Variants in PI4KA observed in about 807,000 individuals in gnomAD.
PI4KA encodes PI4-kinase alpha.
A neutral mutation model predicts 271.4 loss-of-function variants in PI4KA; 122 were observed. The ratio of observed to expected loss-of-function variants is 0.45; its 90% CI spans 0.39 to 0.52. The LOEUF (loss-of-function observed/expected upper bound fraction) is 0.52, where lower values mean the gene tolerates loss of function less well. Among genes scored for constraint, PI4KA ranks in the 20% least tolerant of loss-of-function variants. The pLI, the probability that PI4KA is intolerant of heterozygous loss-of-function variation, is 0.00. For synonymous variants in PI4KA, 1,041 were observed against 1,078.8 expected, an observed-to-expected ratio of 0.96 and a Z score of 0.69; for missense variants, 1,969 against 2,769.1, an observed-to-expected ratio of 0.71 and a Z score of 6.48.
intron 22 of PI4KA, among the ~76,000 whole-genome samples, chr22:20,762,024 C>T (rs568380810): frequency 6.6e-6 from 1 of 152,292 alleles, no homozygotes; most frequent in South Asian, 2.1e-4. Context: ...ATCTTCTGTA[C>T]TATTCCAGTG....
intron 32 of PI4KA, among the ~76,000 whole-genome samples, chr22:20,734,922 A>C (rs365460): frequency 1.4e-4 from 22 of 152,316 alleles, no homozygotes; most frequent in Admixed American, 3.9e-4. Flanking sequence ...CCTCTGTGGG[A>C]TGCTGAGCTG....
At chr22:20,802,824 T>G (rs764098986) in intron 13 of PI4KA, among the ~76,000 whole-genome samples, 1 of 152,234 alleles carries the variant, frequency 6.6e-6, no homozygotes, top group Non-Finnish European at 1.5e-5. Context: ...AGCAGGTGTT[T>G]AATTAATTAA....
chr22:20,824,405 G>A lies in PI4KA; in HGVS notation c.377C>T (p.Pro126Leu), dbSNP rs761639270. 4.8e-5 allele frequency: 78 copies of A among 1,611,740 alleles called. No individual in the cohort carries two copies. Among genetic ancestry groups the A allele is most frequent in the South Asian group, 9.9e-5 (9 of 90,808 alleles). Residue 126 changes from proline to leucine, a missense_variant, in exon 4 of 55, where the codon CCG (proline) becomes CTG (leucine). Transcript: ENST00000255882. ...GCAGAAGCTGAAGCTCTCTGCAACC[G>A]GGAGGGCACCTGGAAGATGTAAAAA... ...STARKGRGAL[P>L]VAESFSFCLV...
intron 19 of PI4KA, among the ~76,000 whole-genome samples, chr22:20,770,631 C>CAA (rs1932834400): frequency 8.6e-6 from 1 of 115,932 alleles, no homozygotes; most frequent in Non-Finnish European, 1.8e-5. Context: ...CACACACACA[C>CAA]AAGCTGGACA....
At chr22:20,800,764 C>T (rs901384377) in intron 14 of PI4KA, among the ~76,000 whole-genome samples, 1 of 150,062 alleles carries the variant, frequency 6.7e-6, no homozygotes, top group Non-Finnish European at 1.5e-5. Context: ...GTCCCAGCTA[C>T]TCCAGAGGCT....
At chr22:20,805,789 G>T (rs1569055165) in intron 10 of PI4KA, among the ~76,000 whole-genome samples, 1 of 148,174 alleles carries the variant, frequency 6.7e-6, no homozygotes, top group South Asian at 2.1e-4. Flanking sequence ...CCAAGATCGT[G>T]CCACTGCATT....
At chr22:20,738,929 G>A (rs1029198582) in intron 32 of PI4KA, among the ~76,000 whole-genome samples, 3 of 151,846 alleles carry the variant, frequency 2.0e-5, no homozygotes, top group African/African-American at 7.3e-5. Context: ...TCGGACAGGC[G>A]CGGTGGCTCA....
At chr22:20,797,139 C>T (rs967332692) in intron 17 of PI4KA, among the ~76,000 whole-genome samples, 35 of 152,142 alleles carry the variant, frequency 2.3e-4, no homozygotes, top group African/African-American at 8.0e-4. Flanking sequence ...ACGGCAGCCA[C>T]GGCAAAAGGC....
intron 32 of PI4KA, among the ~76,000 whole-genome samples, chr22:20,738,751 A>G (rs980027157): frequency 6.6e-6 from 1 of 152,166 alleles, no homozygotes. Flanking sequence ...AAAGACCCCA[A>G]ATGAAACAGT....
chr22:20,777,249 T>C (rs1933371786), intron 19 of PI4KA, among the ~76,000 whole-genome samples: 1 of 150,952 alleles, frequency 6.6e-6, no homozygotes, highest in Admixed American at 6.6e-5. Context: ...GGAGTTTCGC[T>C]CTTTTTGCCC....
intron 45 of PI4KA, among the ~76,000 whole-genome samples, chr22:20,716,701 C>T (rs1453774653): frequency 6.6e-6 from 1 of 152,132 alleles, no homozygotes; most frequent in Non-Finnish European, 1.5e-5. Flanking sequence ...TGTGCATGCC[C>T]CCTGCAGTAC....
intron 42 of PI4KA, 99 bp downstream of exon 42, chr22:20,726,389 G>T (rs1927350086): frequency 1.9e-6 from 2 of 1,061,822 alleles, no homozygotes; most frequent in African/African-American, 1.7e-5. Flanking sequence ...CCCTGAGGAG[G>T]CTCTGAGGAG....
chr22:20,740,396 AAGAG>A (rs1000665948), intron 32 of PI4KA, among the ~76,000 whole-genome samples: 1 of 151,610 alleles, frequency 6.6e-6, no homozygotes, highest in South Asian at 2.1e-4. Context: ...CAAAAAGGAG[AAGAG>A]AGAGAGAATG....
At chr22:20,850,376 T>C (rs920340551) in intron 1 of PI4KA, among the ~76,000 whole-genome samples, 2 of 151,814 alleles carry the variant, frequency 1.3e-5, no homozygotes, top group African/African-American at 4.8e-5. Context: ...TACAAAAAAT[T>C]AGCTGACTGT....
rs886192073 is a variant in PI4KA at position 20,759,402 on chromosome 22, CTTT to C, written c.2791+1899_2791+1901del. Among the ~76,000 whole-genome samples, 610 of 102,838 alleles carry C rather than the reference CTTT, an allele frequency of 5.9e-3. 1 individual carries two copies. Among genetic ancestry groups the C allele is most frequent in the Non-Finnish European group, 0.01 (514 of 51,276 alleles). 67.5% of individuals were successfully genotyped at this position (102,838 alleles called of 152,430 possible). A position where few individuals can be genotyped will look rare whatever the true frequency, so the allele number is the denominator to read the frequency against. On this transcript the variant is annotated intron_variant, in intron 23 of 54. Coordinates refer to ENST00000255882, the MANE Select transcript of PI4KA (RefSeq NM_058004.4). ...TTGATTTTTCTTTTTCTTTTCTTTT[CTTT>C]TTTTTTTTTTTTTTTTTTGAGACAG...
At chr22:20,787,939 C>G (rs181865789) in intron 19 of PI4KA, among the ~76,000 whole-genome samples, 639 of 152,252 alleles carry the variant, frequency 4.2e-3, no homozygotes, top group Non-Finnish European at 7.4e-3. Context: ...GCACACAAGC[C>G]CCAGGGCTCC....
intron 31 of PI4KA, 110 bp from the exon 32 acceptor site, chr22:20,742,465 T>C (rs1039708285): frequency 2.3e-5 from 36 of 1,555,854 alleles, no homozygotes; most frequent in Admixed American, 9.0e-5. Flanking sequence ...GGCCTTTTAT[T>C]GACTTTCCAC....
rs1928399671 is a variant in PI4KA, at chr22:20,734,082, C to G, written c.4013G>C (p.Ser1338Thr). Residue 1338 changes from serine (S) to threonine (T), a missense_variant, in exon 34 of 55, where the codon AGC (serine) becomes ACC (threonine). Physicochemically the swap from Ser to Thr is moderately conservative, Grantham distance 58. Transcript: ENST00000255882. Reference sequence around the variant, plus strand: ...GATGGCCGCCACGTGCCGGTTCATGCTCCCCTTGGCCCCGCCGATGTTCAG... The same window carrying G: ...GATGGCCGCCACGTGCCGGTTCATGGTCCCCTTGGCCCCGCCGATGTTCAG... ...MSLNIGGAKG[S>T]MNRHVAAIGP... 1 of 1,606,040 alleles carries G rather than the reference C, an allele frequency of 6.2e-7. No homozygotes were observed. The highest frequency in any genetic ancestry group is 8.5e-7 in the Non-Finnish European group (1 of 1,177,108).
intron 19 of PI4KA, among the ~76,000 whole-genome samples, chr22:20,775,792 C>T (rs1470492784): frequency 6.6e-6 from 1 of 152,146 alleles, no homozygotes; most frequent in Non-Finnish European, 1.5e-5. Flanking sequence ...GCCTGGTCTT[C>T]TTCTTCTTGA....
Sources: allele counts gnomAD v4.1 joint callset (sites outside exome capture counted in the v4.1 genomes callset), GRCh38; gene constraint gnomAD v4.1.1; transcripts MANE v1.5; gene names NCBI Gene and HGNC (gene_info 2026-07-23, HGNC 2026-07-21).